WLS: variants seen among roughly 807,000 people sequenced by gnomAD.
The protein encoded by WLS is Wnt ligand secretion mediator.
WLS carries 23 observed loss-of-function variants against 62.8 expected under a neutral mutation model. The observed-to-expected ratio is 0.37, with a 90% confidence interval of 0.26 to 0.52. The LOEUF (loss-of-function observed/expected upper bound fraction) is 0.52, where lower values mean the gene tolerates loss of function less well. Among genes scored for constraint, WLS ranks in the 20% least tolerant of loss-of-function variants. WLS has a pLI of 0.92. For synonymous variants in WLS, 246 were observed against 244.1 expected, an observed-to-expected ratio of 1.01 and a Z score of -0.07; for missense variants, 615 against 697.3, an observed-to-expected ratio of 0.88 and a Z score of 1.33.
intron 2 of WLS, chr1:68,163,009 C>T (rs1647004676): frequency 6.3e-6 from 10 of 1,593,718 alleles, no homozygotes; most frequent in South Asian, 5.5e-5. Flanking sequence ...TGCAGGGGGC[C>T]GTTCATGATC....
chr1:68,178,002 T>C (rs1179859459), intron 2 of WLS, among the ~76,000 whole-genome samples: 1 of 152,180 alleles, frequency 6.6e-6, no homozygotes, highest in Non-Finnish European at 1.5e-5. Context: ...AGGCCAAACA[T>C]TCATAATTTA....
chr1:68,135,299 G>C (rs1451039950), intron 11 of WLS, among the ~76,000 whole-genome samples: 1 of 140,280 alleles, frequency 7.1e-6, no homozygotes, highest in Non-Finnish European at 1.5e-5. Context: ...ACACCACCAT[G>C]CCTGGCTTTT....
At chr1:68,105,502 G>A (rs1197885765) in intron 11 of WLS, among the ~76,000 whole-genome samples, 1 of 152,094 alleles carries the variant, frequency 6.6e-6, no homozygotes, top group African/African-American at 2.4e-5. Flanking sequence ...GAAAGAAATG[G>A]TTTTGAGTAG....
intron 2 of WLS, chr1:68,161,860 A>G (rs1188274686): frequency 1.2e-6 from 2 of 1,607,448 alleles, no homozygotes; most frequent in African/African-American, 1.3e-5. Context: ...AGTCACTGGG[A>G]TGCCTCCAGG....
At chr1:68,147,538 G>A (rs187547921) in intron 8 of WLS, among the ~76,000 whole-genome samples, 30 of 152,270 alleles carry the variant, frequency 2.0e-4, no homozygotes, top group East Asian at 5.8e-4. Context: ...ATACTATTCC[G>A]GAAGATAAAA....
chr1:68,201,656 C>T (rs1649025202), intron 1 of WLS, among the ~76,000 whole-genome samples: 1 of 152,174 alleles, frequency 6.6e-6, no homozygotes, highest in African/African-American at 2.4e-5. Flanking sequence ...TCATTCTTGC[C>T]AGCCACTTTC....
chr1:68,132,885 T>G (rs1646547640), intron 11 of WLS, among the ~76,000 whole-genome samples: 1 of 152,230 alleles, frequency 6.6e-6, no homozygotes, highest in African/African-American at 2.4e-5. Flanking sequence ...GTTTTTCATG[T>G]GTGCAGGGCT....
At chr1:68,108,122 C>T (rs1646172728) in intron 11 of WLS, among the ~76,000 whole-genome samples, 1 of 152,178 alleles carries the variant, frequency 6.6e-6, no homozygotes, top group South Asian at 2.1e-4. Flanking sequence ...CCCATCCATT[C>T]TCTCACTGTT....
intron 2 of WLS, among the ~76,000 whole-genome samples, chr1:68,160,819 CTG>C (rs1557485853): frequency 1.3e-5 from 2 of 152,124 alleles, no homozygotes; most frequent in Admixed American, 6.5e-5. Flanking sequence ...TCACAAAAGA[CTG>C]TGAATAGAAC....
intron 2 of WLS, among the ~76,000 whole-genome samples, chr1:68,173,411 CCT>C (rs3053543): frequency 0.061 from 9,034 of 149,070 alleles, 276 homozygotes; most frequent in Middle Eastern, 0.12. Flanking sequence ...CCTGCGTGCC[CCT>C]CTCTCTCTCT....
At chr1:68,168,335 G>A (rs80266429) in intron 2 of WLS, among the ~76,000 whole-genome samples, 5,301 of 152,304 alleles carry the variant, frequency 0.035, 124 homozygotes, top group Non-Finnish European at 0.046. Context: ...AGTACAAAGT[G>A]TATAAATTGG....
intron 11 of WLS, among the ~76,000 whole-genome samples, chr1:68,130,183 T>A (rs1646498433): frequency 6.6e-6 from 1 of 152,208 alleles, no homozygotes; most frequent in African/African-American, 2.4e-5. Flanking sequence ...GACAATTGTT[T>A]GTGTATCTGT....
chr1:68,168,166 G>T (rs1647089788), intron 2 of WLS, among the ~76,000 whole-genome samples: 1 of 152,094 alleles, frequency 6.6e-6, no homozygotes, highest in Non-Finnish European at 1.5e-5. Flanking sequence ...GAAATCTAGG[G>T]CAGCTGCTTA....
intron 11 of WLS, among the ~76,000 whole-genome samples, chr1:68,107,630 G>A (rs1646165673): frequency 6.6e-6 from 1 of 151,936 alleles, no homozygotes; most frequent in Admixed American, 6.6e-5. Context: ...GAGAGAGAAG[G>A]GGGAAAAAAA....
At chr1:68,162,659 G>A (rs796404102) in intron 2 of WLS, 1 of 1,235,324 alleles carries the variant, frequency 8.1e-7, no homozygotes, top group African/African-American at 1.5e-5. Context: ...CTCTGGTACA[G>A]ATTGAGGATG....
chr1:68,192,583 A>AC (rs141947484), intron 2 of WLS, among the ~76,000 whole-genome samples: 11,641 of 98,334 alleles, frequency 0.12, 517 homozygotes, highest in Admixed American at 0.18. Flanking sequence ...TCACACACAC[A>AC]AAAAAAAAAG....
At chr1:68,150,500 C>T in intron 5 of WLS, 144 bp from the exon 6 acceptor site, 2 of 1,152,060 alleles carry the variant, frequency 1.7e-6, no homozygotes, top group Non-Finnish European at 2.5e-6. Flanking sequence ...CACAGAGATG[C>T]AAAACGTCCT....
intron 2 of WLS, among the ~76,000 whole-genome samples, chr1:68,167,777 T>C (rs889384139): frequency 6.6e-6 from 1 of 152,082 alleles, no homozygotes; most frequent in African/African-American, 2.4e-5. Context: ...ATATTTTAGT[T>C]GGGTGGAGAA....
At chr1:68,170,156 A>ATTCT (rs1647125279) in intron 2 of WLS, among the ~76,000 whole-genome samples, 7 of 102,510 alleles carry the variant, frequency 6.8e-5, no homozygotes, top group African/African-American at 2.6e-4. Flanking sequence ...GCTGGCTACT[A>ATTCT]TTTCTTTTTT....
Sources: gnomAD v4.1 joint callset for allele counts (sites outside exome capture counted in the v4.1 genomes callset) on GRCh38, gnomAD v4.1.1 for gene constraint, MANE v1.5 for transcripts, NCBI Gene and HGNC (gene_info 2026-07-23, HGNC 2026-07-21) for gene names.